The following CSMD1 variants were observed in gnomAD, a reference collection of about 807,000 sequenced individuals.
The protein encoded by CSMD1 is CUB and sushi domain-containing protein 1.
A neutral mutation model predicts 417.5 loss-of-function variants in CSMD1; 213 were observed. The observed-to-expected ratio is 0.51, with a 90% CI of 0.46 to 0.57. The LOEUF (loss-of-function observed/expected upper bound fraction) is 0.57. Ranked by LOEUF, CSMD1 falls within the 20% of genes least tolerant of loss-of-function variation. The pLI is 0.00. For synonymous variants in CSMD1, 2,862 were observed against 1,736.8 expected (o/e 1.65, Z -16.11); for missense variants, 6,923 against 4,529.7 (o/e 1.53, Z -15.17).
intron 3 of CSMD1, among the ~76,000 whole-genome samples, chr8:4,335,044 G>A (rs977421839): frequency 2.0e-5 from 3 of 152,066 alleles, no homozygotes; most frequent in African/African-American, 7.2e-5. Flanking sequence ...TGGGACCACA[G>A]ATGCACACCA....
chr8:4,786,261 T>A (rs1797396661), intron 1 of CSMD1, among the ~76,000 whole-genome samples: 1 of 152,108 alleles, frequency 6.6e-6, no homozygotes, highest in Non-Finnish European at 1.5e-5. Context: ...TTTAGGACTA[T>A]TTTTTCTTTC....
chr8:4,600,032 A>G (rs1206841392), intron 2 of CSMD1, among the ~76,000 whole-genome samples: 1 of 152,188 alleles, frequency 6.6e-6, no homozygotes, highest in African/African-American at 2.4e-5. Flanking sequence ...ACCGCAGAAC[A>G]GATCAGTAGG....
At chr8:2,990,676 C>T (rs1240809762) in intron 54 of CSMD1, among the ~76,000 whole-genome samples, 1 of 152,176 alleles carries the variant, frequency 6.6e-6, no homozygotes, top group Non-Finnish European at 1.5e-5. Context: ...ACAATAGAAG[C>T]CTGCTTTCTG....
At chr8:4,001,246 G>T (rs1047393372) in intron 4 of CSMD1, among the ~76,000 whole-genome samples, 1 of 152,130 alleles carries the variant, frequency 6.6e-6, no homozygotes, top group Non-Finnish European at 1.5e-5. Flanking sequence ...CAGTAACCTT[G>T]ACCAGAAGTG....
chr8:4,725,031 CT>C (rs1809333294), intron 1 of CSMD1, among the ~76,000 whole-genome samples: 4 of 152,146 alleles, frequency 2.6e-5, no homozygotes. Context: ...AATATTTATA[CT>C]TTTGCTATTT....
intron 49 of CSMD1, among the ~76,000 whole-genome samples, chr8:3,083,610 T>TTATATATATATA (rs1554507974): frequency 7.1e-4 from 22 of 30,894 alleles, no homozygotes; most frequent in Admixed American, 1.2e-3. Flanking sequence ...ACCATAATTT[T>TTATATATATATA]TATATATATA....
intron 51 of CSMD1, among the ~76,000 whole-genome samples, chr8:3,026,091 A>G (rs1309159016): frequency 6.6e-6 from 1 of 152,084 alleles, no homozygotes; most frequent in Non-Finnish European, 1.5e-5. Flanking sequence ...TTGAGTTAAT[A>G]AAAAATGAGA....
intron 25 of CSMD1, among the ~76,000 whole-genome samples, chr8:3,293,094 T>G (rs1803700765): frequency 6.6e-6 from 1 of 152,092 alleles, no homozygotes. Context: ...GAAGCTTAGT[T>G]TGGCTGGATA....
intron 10 of CSMD1, among the ~76,000 whole-genome samples, chr8:3,555,656 C>A (rs1171170432): frequency 2.0e-5 from 3 of 152,146 alleles, no homozygotes; most frequent in African/African-American, 7.2e-5. Context: ...AGTACATGTA[C>A]ACTTGAATCT....
At chr8:3,647,338 T>C (rs149371832) in intron 7 of CSMD1, among the ~76,000 whole-genome samples, 2 of 152,050 alleles carry the variant, frequency 1.3e-5, no homozygotes, top group East Asian at 1.9e-4. Context: ...GAGAGGTAAA[T>C]ATGGCAGAGA....
At chr8:3,773,165 A>C (rs935177216) in intron 5 of CSMD1, among the ~76,000 whole-genome samples, 1 of 152,162 alleles carries the variant, frequency 6.6e-6, no homozygotes, top group Non-Finnish European at 1.5e-5. Context: ...TAGGATTTCA[A>C]CATGAACTCT....
At chr8:3,745,576 C>A (rs888938341) in intron 6 of CSMD1, among the ~76,000 whole-genome samples, 15 of 152,178 alleles carry the variant, frequency 9.9e-5, no homozygotes, top group African/African-American at 3.6e-4. Flanking sequence ...TACGCTTGCT[C>A]CTCAACCATT....
intron 18 of CSMD1, among the ~76,000 whole-genome samples, chr8:3,381,815 G>T (rs1007328230): frequency 1.3e-5 from 2 of 152,124 alleles, no homozygotes; most frequent in African/African-American, 4.8e-5. Flanking sequence ...TATCTCTGAA[G>T]AGGCGAGCAT....
chr8:4,667,538 A>G (rs777246384), intron 1 of CSMD1, among the ~76,000 whole-genome samples: 7 of 151,814 alleles, frequency 4.6e-5, no homozygotes, highest in South Asian at 2.1e-4. Flanking sequence ...AAATTTTCCT[A>G]TATTAGTGTA....
intron 3 of CSMD1, among the ~76,000 whole-genome samples, chr8:4,417,067 T>C (rs997581864): frequency 1.3e-5 from 2 of 151,810 alleles, no homozygotes; most frequent in East Asian, 1.9e-4. Context: ...ATTAAGTTAC[T>C]ACCTTCAATT....
rs975017516 is a variant in CSMD1 at position 3,366,835 on chromosome 8, A to G, written c.3115+197T>C. On this transcript the variant is annotated intron_variant, in intron 20 of 69. Transcript: ENST00000635120. ...TGTAACACAAAGTGGCATTTTCTGGATGCCACATAACTGTACTTGCACCCT... is the reference window on the plus strand; with the variant it reads ...TGTAACACAAAGTGGCATTTTCTGGGTGCCACATAACTGTACTTGCACCCT... Among the ~76,000 whole-genome samples, 5 of 152,286 alleles carry G rather than the reference A, an allele frequency of 3.3e-5. No individual in the cohort carries two copies. In the South Asian group the frequency reaches 6.2e-4, roughly 19 times the overall value.
intron 2 of CSMD1, among the ~76,000 whole-genome samples, chr8:4,436,601 C>T (rs1335433722): frequency 6.6e-6 from 1 of 152,108 alleles, no homozygotes; most frequent in East Asian, 1.9e-4. Context: ...TCCTGCTGTG[C>T]AAGCAAATAG....
At chr8:4,231,245 A>T (rs1801709151) in intron 3 of CSMD1, among the ~76,000 whole-genome samples, 1 of 152,228 alleles carries the variant, frequency 6.6e-6, no homozygotes, top group Admixed American at 6.5e-5. Context: ...TACTGCCGCC[A>T]TCATGGAAGG....
chr8:4,338,724 A>AT (rs1455209665), intron 3 of CSMD1, among the ~76,000 whole-genome samples: 3 of 152,040 alleles, frequency 2.0e-5, no homozygotes, highest in African/African-American at 4.8e-5. Flanking sequence ...TTTAACTCAG[A>AT]TTTTTTTCGC....
Sources: allele counts gnomAD v4.1 joint callset (sites outside exome capture counted in the v4.1 genomes callset), GRCh38; gene constraint gnomAD v4.1.1; transcripts MANE v1.5; gene names NCBI Gene and HGNC (gene_info 2026-07-23, HGNC 2026-07-21).